Variants in COL23A1 observed in about 807,000 individuals in gnomAD.
COL23A1 encodes the protein collagen type XXIII alpha 1 chain.
COL23A1 carries 97 observed loss-of-function variants against 99.3 expected under a neutral mutation model. The ratio of observed to expected loss-of-function variants is 0.98; its 90% CI spans 0.83 to 1.16. The LOEUF (loss-of-function observed/expected upper bound fraction) is 1.16. COL23A1 is among the 50% of genes most tolerant of loss of function. The pLI is 0.00. For synonymous variants in COL23A1, 320 were observed against 308.2 expected (o/e 1.04, Z -0.40); for missense variants, 762 against 757.4 (o/e 1.01, Z -0.07).
rs1758618182 is a variant in COL23A1, at chr5:178,310,593, G to A, written c.362-3674C>T. On this transcript the variant is annotated intron_variant, in intron 2 of 28. Transcript: ENST00000390654. This position sits in a 1 kb window ranked among gnomAD's most constrained non-coding sequence, Gnocchi z 4.3. ...CCTTCATAGTCTGTGGCTCCCAAGTGCAAGGACAGTTGTGTCCCATATGCT... is the reference window on the plus strand; with the variant it reads ...CCTTCATAGTCTGTGGCTCCCAAGTACAAGGACAGTTGTGTCCCATATGCT... Among the ~76,000 whole-genome samples the A allele has an allele frequency of 6.6e-6, 1 of 152,190 alleles. No individual in the cohort carries two copies. Among genetic ancestry groups the A allele is most frequent in the Non-Finnish European group, 1.5e-5 (1 of 68,032 alleles).
At chr5:178,420,249 C>T (rs958392117) in intron 2 of COL23A1, among the ~76,000 whole-genome samples, 12 of 152,000 alleles carry the variant, frequency 7.9e-5, no homozygotes, top group Admixed American at 2.0e-4. Flanking sequence ...GATGCACTTC[C>T]GTGGGGCTGC....
intron 2 of COL23A1, among the ~76,000 whole-genome samples, chr5:178,503,617 C>T (rs980511250): frequency 6.6e-6 from 1 of 151,782 alleles, no homozygotes; most frequent in African/African-American, 2.4e-5. Context: ...ATTATGTGCA[C>T]GTATGTAAAC....
At chr5:178,268,036 C>T (rs1756003066) in intron 7 of COL23A1, among the ~76,000 whole-genome samples, 1 of 152,232 alleles carries the variant, frequency 6.6e-6, no homozygotes, top group Non-Finnish European at 1.5e-5. Context: ...CCCACGGCTC[C>T]CGCAGCCCTG....
At chr5:178,480,550 A>C (rs1757279682) in intron 2 of COL23A1, among the ~76,000 whole-genome samples, 1 of 152,224 alleles carries the variant, frequency 6.6e-6, no homozygotes, top group Admixed American at 6.5e-5. Flanking sequence ...TTCATTATTA[A>C]CAATTGAAAA....
chr5:178,522,199 C>T (rs1024545509), intron 2 of COL23A1, among the ~76,000 whole-genome samples: 3 of 152,086 alleles, frequency 2.0e-5, no homozygotes, highest in Non-Finnish European at 4.4e-5. Context: ...AACGTGTTTT[C>T]GGTTTATGAA....
intron 2 of COL23A1, among the ~76,000 whole-genome samples, chr5:178,449,865 G>A (rs574233943): frequency 3.3e-5 from 5 of 152,086 alleles, no homozygotes; most frequent in Admixed American, 6.6e-5. Context: ...GACTTCACGC[G>A]TTGTGTCCAA....
chr5:178,322,963 G>A (rs949879122), intron 2 of COL23A1, among the ~76,000 whole-genome samples: 3 of 152,196 alleles, frequency 2.0e-5, no homozygotes, highest in Non-Finnish European at 4.4e-5. Flanking sequence ...TCATGCCCTT[G>A]CAGAGCCAGT....
chr5:178,559,931 G>A (rs1197760316), intron 2 of COL23A1, among the ~76,000 whole-genome samples: 19 of 151,890 alleles, frequency 1.3e-4, no homozygotes, highest in African/African-American at 3.6e-4. Context: ...CCTGCACGTC[G>A]GGAAGTCTGA....
chr5:178,389,251 A>G (rs1188038019), intron 2 of COL23A1, among the ~76,000 whole-genome samples: 1 of 152,142 alleles, frequency 6.6e-6, no homozygotes, highest in African/African-American at 2.4e-5. Flanking sequence ...TCCACCCAGC[A>G]AAGTCCCAAT....
chr5:178,529,173 G>A (rs961463455), intron 2 of COL23A1, among the ~76,000 whole-genome samples: 1 of 152,234 alleles, frequency 6.6e-6, no homozygotes, highest in Non-Finnish European at 1.5e-5. Context: ...CTCTTCAGCC[G>A]ACAGTCTAGC....
At position 178,313,614 on chromosome 5, in the gene COL23A1, C is replaced by G. The variant is rs1194968247; in HGVS notation, c.362-6695G>C. Among the ~76,000 whole-genome samples, 3 of 152,194 alleles carry G rather than the reference C, an allele frequency of 2.0e-5. No individual in the cohort carries two copies. The highest frequency in any genetic ancestry group is 1.3e-4 in the Admixed American group (2 of 15,284). On this transcript the variant is annotated intron_variant, in intron 2 of 28. Coordinates refer to ENST00000390654, the MANE Select transcript of COL23A1 (RefSeq NM_173465.4). The surrounding 1 kb of genome is among the most constrained non-coding windows in gnomAD (Gnocchi z 4.2). Reference sequence around the variant, plus strand: ...ACTTCGGAGTCTGTCCCCTGAACATCTGTGTGTGATTTCCAGTGTGACCAT... The same window carrying G: ...ACTTCGGAGTCTGTCCCCTGAACATGTGTGTGTGATTTCCAGTGTGACCAT...
chr5:178,408,854 T>C (rs1413885589), intron 2 of COL23A1, among the ~76,000 whole-genome samples: 9 of 150,688 alleles, frequency 6.0e-5, no homozygotes, highest in Admixed American at 5.3e-4. Flanking sequence ...ACTTGGGAGG[T>C]TGAGGCAGGA....
At chr5:178,269,413 A>T (rs1242548228) in intron 6 of COL23A1, among the ~76,000 whole-genome samples, 3 of 102,522 alleles carry the variant, frequency 2.9e-5, no homozygotes, top group African/African-American at 1.1e-4. Context: ...CCAACCATCC[A>T]TCCACCCGTC....
Position 178,500,688 on chromosome 5 carries a change from C to T in COL23A1, c.361+59994G>A, listed in dbSNP as rs1333166971. Among the ~76,000 whole-genome samples the T allele has an allele frequency of 6.1e-5, 9 of 146,836 alleles. No individual in the cohort carries two copies. In the East Asian group the frequency reaches 1.8e-3, roughly 29 times the overall value. On this transcript the variant is annotated intron_variant, in intron 2 of 28. Coordinates refer to ENST00000390654, the MANE Select transcript of COL23A1 (RefSeq NM_173465.4). ...AATTGGATCCCTACCCCATAACATA[C>T]ACCAAAATCAATTCCAGGTAGATAA...
chr5:178,299,954 A>G (rs2127595847), intron 3 of COL23A1, among the ~76,000 whole-genome samples: 1 of 152,144 alleles, frequency 6.6e-6, no homozygotes, highest in Admixed American at 6.5e-5. Context: ...GGGTTTCACC[A>G]TGTTGACCAG....
At chr5:178,525,887 C>A (rs1760277625) in intron 2 of COL23A1, among the ~76,000 whole-genome samples, 1 of 152,254 alleles carries the variant, frequency 6.6e-6, no homozygotes, top group Non-Finnish European at 1.5e-5. Flanking sequence ...TGGAGAAGAG[C>A]CCAAAACTCT....
At chr5:178,465,395 G>A (rs745932273) in intron 2 of COL23A1, among the ~76,000 whole-genome samples, 31 of 152,210 alleles carry the variant, frequency 2.0e-4, no homozygotes, top group Non-Finnish European at 5.9e-5. Flanking sequence ...CTGGAGCAAG[G>A]AGGGTTAAAT....
chr5:178,385,235 G>A (rs985360769), intron 2 of COL23A1, among the ~76,000 whole-genome samples: 2 of 152,110 alleles, frequency 1.3e-5, no homozygotes, highest in African/African-American at 4.8e-5. Flanking sequence ...TGGGCCTTCC[G>A]CTCTGGCAGG....
intron 2 of COL23A1, among the ~76,000 whole-genome samples, chr5:178,533,507 C>CT (rs1468661274): frequency 2.0e-5 from 3 of 151,944 alleles, no homozygotes; most frequent in East Asian, 1.9e-4. Context: ...GTCGGAGTTT[C>CT]TTTTTTTTGA....
Sources: gnomAD v4.1 joint callset for allele counts (sites outside exome capture counted in the v4.1 genomes callset) on GRCh38, gnomAD v4.1.1 for gene constraint, Gnocchi (gnomAD v3.1) non-coding constraint, MANE v1.5 for transcripts, NCBI Gene and HGNC (gene_info 2026-07-23, HGNC 2026-07-21) for gene names.